PEX10: variants seen among roughly 807,000 people sequenced by gnomAD.
The protein encoded by PEX10 is peroxisome biogenesis factor 10.
PEX10 carries 32 observed loss-of-function variants against 38.0 expected under a neutral mutation model. The observed-to-expected ratio is 0.84, with a 90% CI of 0.63 to 1.13. The LOEUF (loss-of-function observed/expected upper bound fraction) is 1.13. PEX10 is among the 50% of genes most tolerant of loss of function. The pLI, the probability that PEX10 is intolerant of heterozygous loss-of-function variation, is 0.00. For synonymous variants in PEX10, 206 were observed against 207.3 expected, an observed-to-expected ratio of 0.99 and a Z score of 0.05; for missense variants, 483 against 457.7, an observed-to-expected ratio of 1.06 and a Z score of -0.51.
At position 2,410,542 on chromosome 1, in the gene PEX10, G is replaced by A; in HGVS notation, c.113-91C>T. On this transcript the variant is annotated intron_variant, in intron 1 of 5. Transcript: ENST00000447513. This position sits in a 1 kb window ranked among gnomAD's most constrained non-coding sequence, Gnocchi z 5.1. ...GTCCTCCCCCAGTTGTCTAGGCCCA[G>A]ATCCAGTCCCACCCCTTCCATGAAG... 2 of 1,106,156 alleles carry A rather than the reference G, an allele frequency of 1.8e-6. No homozygotes were observed. The highest frequency in any genetic ancestry group is 1.5e-5 in the African/African-American group (1 of 65,108). The allele number at this position is 1,106,156 out of a possible 1,614,324, so 68.5% of individuals were successfully genotyped here.
rs35082957 is a variant in PEX10, at chr1:2,406,553, C to T, written c.843G>A (p.Arg281=). The stretch of plus-strand genomic sequence containing the variant: ...GGCCGCAGGGCGTGGCTGTTGGGTG[C>T]CTGCGCTCCTCCAGGCACAGGGTGC... The part of the protein sequence containing the change: ...PLCTLCLEER[R]HPTATPCGHL... The change falls in exon 5 of 6, where the codon AGG becomes AGA. Residue 281 remains arginine (R), a synonymous_variant. Transcript: ENST00000447513. 2,411 of 1,613,310 alleles carry T rather than the reference C, an allele frequency of 1.5e-3. 29 individuals carry two copies. The African/African-American group carries it at 0.026, about 17-fold the overall frequency.
In PEX10 at chr1:2,409,706, G is replaced by C. The variant is rs961036903; in HGVS notation, c.193+665C>G. ...CCCCCCGGGGTCATTCTCCCAAACC[G>C]CCAAGGACGTGTTCTTCTCAGGGCC... is the stretch of plus-strand genomic sequence containing the variant. On this transcript the variant is annotated intron_variant, in intron 2 of 5. Coordinates refer to ENST00000447513, the MANE Select transcript of PEX10 (RefSeq NM_002617.4). This position sits in a 1 kb window ranked among gnomAD's most constrained non-coding sequence, Gnocchi z 6.2. The C allele has an allele frequency of 6.5e-6, 1 of 154,678 alleles. No homozygotes were observed. The highest frequency in any genetic ancestry group is 2.4e-5 in the African/African-American group (1 of 41,436). 9.6% of individuals were successfully genotyped at this position (154,678 alleles called of 1,614,324 possible). A position where few individuals can be genotyped will look rare whatever the true frequency, so the allele number is the denominator to read the frequency against.
In PEX10 at chr1:2,410,458, G is replaced by A. The variant is rs750267481; in HGVS notation, c.113-7C>T. On this transcript the variant is annotated splice_region_variant and splice_polypyrimidine_tract_variant and intron_variant, in intron 1 of 5. Transcript: ENST00000447513. This position sits in a 1 kb window ranked among gnomAD's most constrained non-coding sequence, Gnocchi z 5.1. ...TCCAGCCACTTCCTCGCACCTGAGA[G>A]GAGAAACAGTATTAGTCCGGGGGAG... 1 of 1,613,728 alleles carries A rather than the reference G, an allele frequency of 6.2e-7. No homozygotes were observed.
At position 2,410,384 on chromosome 1, in the gene PEX10, G is replaced by A. The variant is rs145668796; in HGVS notation, c.180C>T (p.Leu60=). ...ELLSDVAYFG[L]TTLAGYQTLG... ...GGGAGCTTCTACCTGCAAGTGTGGT[G>A]AGGCCAAAGTAGGCCACATCTGAGA... The change falls in exon 2 of 6, where the codon CTC becomes CTT. Residue 60 remains leucine, a synonymous_variant. Transcript: ENST00000447513. This position sits in a 1 kb window ranked among gnomAD's most constrained non-coding sequence, Gnocchi z 5.1. The A allele has an allele frequency of 1.3e-5, 21 of 1,614,040 alleles. No individual in the cohort carries two copies. Among genetic ancestry groups the A allele is most frequent in the Non-Finnish European group, 1.6e-5 (19 of 1,179,912 alleles).
chr1:2,404,030 A>G lies in PEX10; in HGVS notation c.*1736T>C, dbSNP rs1452697252. 2 of 152,272 alleles carry G rather than the reference A, an allele frequency of 1.3e-5. No individual in the cohort carries two copies. Among genetic ancestry groups the G allele is most frequent in the Non-Finnish European group, 2.9e-5 (2 of 68,054 alleles). 9.4% of individuals were successfully genotyped at this position (152,272 alleles called of 1,614,324 possible). Reference sequence around the variant, plus strand: ...ACCTAAAACATGGCAGTCGCTGGACACAGGAAAGCCCACCTTTTGTTTGGC... The same window carrying G: ...ACCTAAAACATGGCAGTCGCTGGACGCAGGAAAGCCCACCTTTTGTTTGGC... On this transcript the variant is annotated 3_prime_UTR_variant, in exon 6 of 6. Coordinates refer to ENST00000447513, the MANE Select transcript of PEX10 (RefSeq NM_002617.4).
At chr1:2,407,635 C>T (rs2494428) in intron 3 of PEX10, among the ~76,000 whole-genome samples, 120,227 of 152,116 alleles carry the variant, frequency 0.79, 49,106 homozygotes, top group Non-Finnish European at 0.89. Flanking sequence ...ACATCAAATA[C>T]GCAAGTGAGG....
rs1355540502 is a variant in PEX10, at chr1:2,404,554, G to A, written c.*1212C>T. 2 of 152,280 alleles carry A rather than the reference G, an allele frequency of 1.3e-5. No individual in the cohort carries two copies. Among genetic ancestry groups the A allele is most frequent in the Admixed American group, 6.5e-5 (1 of 15,278 alleles). The allele number at this position is 152,280 out of a possible 1,614,324, so 9.4% of individuals were successfully genotyped here. A position where few individuals can be genotyped will look rare whatever the true frequency, so the allele number is the denominator to read the frequency against. ...GCAGCCCCCAGTGCCTCTCCTGGTG[G>A]TCCTCCCAGTCTAGAGGGTCACGGC... On this transcript the variant is annotated 3_prime_UTR_variant, in exon 6 of 6. Transcript: ENST00000447513.
rs1227962505 is a variant in PEX10, at chr1:2,412,392, C to A, written c.111G>T (p.Ala37=). 3 of 1,390,850 alleles carry A rather than the reference C, an allele frequency of 2.2e-6. No individual in the cohort carries two copies. Among genetic ancestry groups the A allele is most frequent in the Admixed American group, 6.9e-5 (2 of 29,176 alleles). The allele number at this position is 1,390,850 out of a possible 1,614,324, so 86.2% of individuals were successfully genotyped here. A position where few individuals can be genotyped will look rare whatever the true frequency, so the allele number is the denominator to read the frequency against. Residue 37 remains alanine, a splice_region_variant and synonymous_variant, in exon 1 of 6, where the codon GCG becomes GCT. Coordinates refer to ENST00000447513, the MANE Select transcript of PEX10 (RefSeq NM_002617.4). ...CGTCCGGCCGCGCCCGGCCCTCACC[C>A]GCCAGGCTGTGCAGGGCGCCGCCCG... ...SAAGGALHSL[A]GARKWLEWRK...
In PEX10 at chr1:2,405,703, C is replaced by CT; in HGVS notation, c.*62dup. 1 of 1,394,534 alleles carries CT rather than the reference C, an allele frequency of 7.2e-7. No individual in the cohort carries two copies. Among genetic ancestry groups the CT allele is most frequent in the South Asian group, 1.2e-5 (1 of 81,108 alleles). 86.4% of individuals were successfully genotyped at this position (1,394,534 alleles called of 1,614,324 possible). ...TGTGCAAGCAAGGTTAATCCTGAGA[C>CT]TAAATCTTGGCGTTCAGACTCCCGT... is the stretch of plus-strand genomic sequence containing the variant. On this transcript the variant is annotated 3_prime_UTR_variant, in exon 6 of 6. Coordinates refer to ENST00000447513, the MANE Select transcript of PEX10 (RefSeq NM_002617.4).
rs1451394397 is a variant in PEX10 at position 2,406,692 on chromosome 1, AGCCCCCATGTGTGG to A, written c.776+14_776+27del. On this transcript the variant is annotated intron_variant, in intron 4 of 5. Transcript: ENST00000447513. ...CTTGTGAAGTGCCCAGGACACCCCC[AGCCCCCATGTGTGG>A]CCCCCGCACGCACCTGCGGTGAGAC... 9 of 1,609,860 alleles carry A rather than the reference AGCCCCCATGTGTGG, an allele frequency of 5.6e-6. No individual in the cohort carries two copies. The highest frequency in any genetic ancestry group is 4.2e-6 in the Non-Finnish European group (5 of 1,178,570).
At chr1:2,408,937 C>T (rs1643100819) in intron 2 of PEX10, 79 bp from the exon 3 acceptor site, 10 of 1,391,072 alleles carry the variant, frequency 7.2e-6, no homozygotes, top group Non-Finnish European at 1.0e-5. Context: ...GCCAGCCGAC[C>T]CTCTGCTGGC....
rs1210666022 is a variant in PEX10 at position 2,410,763 on chromosome 1, A to T, written c.113-312T>A. ...AGATGGTCTGGGGTATTAAGATTAC[A>T]GGCCAGAGGCCAACTGTCTAGCATC... On this transcript the variant is annotated intron_variant, in intron 1 of 5. Coordinates refer to ENST00000447513, the MANE Select transcript of PEX10 (RefSeq NM_002617.4). The surrounding 1 kb of genome is among the most constrained non-coding windows in gnomAD (Gnocchi z 5.1). 2.0e-6 allele frequency: 1 copy of T among 499,178 alleles called. No homozygotes were observed. The highest frequency in any genetic ancestry group is 2.3e-5 in the Admixed American group (1 of 43,670). The allele number at this position is 499,178 out of a possible 1,614,324, so 30.9% of individuals were successfully genotyped here.
chr1:2,405,292 CTGT>C lies in PEX10; in HGVS notation c.*471_*473del, dbSNP rs1387767473. 6.7e-6 allele frequency: 2 copies of C among 299,334 alleles called. No homozygotes were observed. Among genetic ancestry groups the C allele is most frequent in the Non-Finnish European group, 1.3e-5 (2 of 154,538 alleles). 18.5% of individuals were successfully genotyped at this position (299,334 alleles called of 1,614,324 possible). ...CGCCTCCCATGGGGCCGTGGGGCTG[CTGT>C]TCTCACTGCACTGGCTGAAGCAACC... On this transcript the variant is annotated 3_prime_UTR_variant, in exon 6 of 6. Transcript: ENST00000447513.
At position 2,408,734 on chromosome 1, in the gene PEX10, C is replaced by T. The variant is rs146452560; in HGVS notation, c.318G>A (p.Leu106=). 15,615 of 1,613,844 alleles carry T rather than the reference C, an allele frequency of 9.7e-3. 105 individuals carry two copies. Among genetic ancestry groups the T allele is most frequent in the Non-Finnish European group, 0.012 (14,101 of 1,179,912 alleles). The change falls in exon 3 of 6, where the codon CTG becomes CTA. Residue 106 remains leucine (L), a synonymous_variant. Coordinates refer to ENST00000447513, the MANE Select transcript of PEX10 (RefSeq NM_002617.4). ...GCTCCAGGGGGAGCAGGGCCTTGTCCAGCAGGTAGGGCAGGACGGCATGCA... is the reference window on the plus strand; with the variant it reads ...GCTCCAGGGGGAGCAGGGCCTTGTCTAGCAGGTAGGGCAGGACGGCATGCA... ...VTLHAVLPYL[L]DKALLPLEQE... is the part of the protein sequence containing the mutation.
At chr1:2,407,439 C>T (rs1643047683) in intron 3 of PEX10, among the ~76,000 whole-genome samples, 1 of 152,202 alleles carries the variant, frequency 6.6e-6, no homozygotes, top group Admixed American at 6.5e-5. Flanking sequence ...CAGACAGCCT[C>T]GGCCCAGGGC....
At chr1:2,412,145 C>A (rs1643254875) in intron 1 of PEX10, among the ~76,000 whole-genome samples, 1 of 152,254 alleles carries the variant, frequency 6.6e-6, no homozygotes, top group African/African-American at 2.4e-5. Flanking sequence ...TGGGCGGGAA[C>A]TGGAGGCCCA....
At chr1:2,411,371 T>TA (rs1461482451) in intron 1 of PEX10, among the ~76,000 whole-genome samples, 1 of 151,856 alleles carries the variant, frequency 6.6e-6, no homozygotes, top group Non-Finnish European at 1.5e-5. Flanking sequence ...TAGCTGGGAT[T>TA]ACACGCACGC....
rs1642933159 is a variant in PEX10 at position 2,404,540 on chromosome 1, TG to T, written c.*1225del. 6.6e-6 allele frequency: 1 copy of T among 152,252 alleles called. No individual in the cohort carries two copies. The highest frequency in any genetic ancestry group is 1.5e-5 in the Non-Finnish European group (1 of 68,080). 9.4% of individuals were successfully genotyped at this position (152,252 alleles called of 1,614,324 possible). ...CTGCCCACCCGGCCGCAGCCCCCAG[TG>T]CCTCTCCTGGTGGTCCTCCCAGTCT... On this transcript the variant is annotated 3_prime_UTR_variant, in exon 6 of 6. Coordinates refer to ENST00000447513, the MANE Select transcript of PEX10 (RefSeq NM_002617.4).
chr1:2,404,275 G>GGT lies in PEX10; in HGVS notation c.*1490_*1491insAC. On this transcript the variant is annotated 3_prime_UTR_variant, in exon 6 of 6. Coordinates refer to ENST00000447513, the MANE Select transcript of PEX10 (RefSeq NM_002617.4). ...TATCTGACATCGAGCTCCTCTAAGAGGCCACGTTCAAGCTTGTGTGTCCCT... is the reference window on the plus strand; with the variant it reads ...TATCTGACATCGAGCTCCTCTAAGAGGTGCCACGTTCAAGCTTGTGTGTCCCT... 1 of 152,244 alleles carries GGT rather than the reference G, an allele frequency of 6.6e-6. No individual in the cohort carries two copies. The highest frequency in any genetic ancestry group is 1.5e-5 in the Non-Finnish European group (1 of 68,050). The allele number at this position is 152,244 out of a possible 1,614,324, so 9.4% of individuals were successfully genotyped here.
Sources: gnomAD v4.1 joint callset for allele counts (sites outside exome capture counted in the v4.1 genomes callset) on GRCh38, gnomAD v4.1.1 for gene constraint, Gnocchi (gnomAD v3.1) non-coding constraint, MANE v1.5 for transcripts, NCBI Gene and HGNC (gene_info 2026-07-23, HGNC 2026-07-21) for gene names.